Variants in NBN observed in about 807,000 individuals in gnomAD.
NBN encodes Nijmegen breakage syndrome 1 (nibrin).
Under a neutral mutation model 90.8 loss-of-function variants are expected in NBN, and 88 were observed. The ratio of observed to expected loss-of-function variants is 0.97; its 90% CI spans 0.82 to 1.16. The LOEUF (loss-of-function observed/expected upper bound fraction) is 1.16, where lower values mean the gene tolerates loss of function less well. NBN is among the 50% of genes most tolerant of loss of function. NBN has a pLI of 0.00. For synonymous variants in NBN, 328 were observed against 295.1 expected, an observed-to-expected ratio of 1.11 and a Z score of -1.14; for missense variants, 894 against 869.6, an observed-to-expected ratio of 1.03 and a Z score of -0.35.
rs730881851 is a variant in NBN, at chr8:89,953,685, C to T, written c.1404G>A (p.Arg468=). ...AAGACATTTCTTGATTTTCTTCATC[C>T]CTTTCCCTTAGATTTAAAAAAAAAG... The part of the protein sequence containing the change: ...YFQPSTKKRE[R]DEENQEMSSC... Residue 468 remains arginine (R), a synonymous_variant, in exon 11 of 16, where the codon AGG becomes AGA. Coordinates refer to ENST00000265433, the MANE Select transcript of NBN (RefSeq NM_002485.5). 6.2e-7 allele frequency: 1 copy of T among 1,608,646 alleles called. No homozygotes were observed. The highest frequency in any genetic ancestry group is 1.1e-5 in the South Asian group (1 of 90,614).
At chr8:89,945,843 T>C in intron 13 of NBN, among the ~76,000 whole-genome samples, 1 of 152,124 alleles carries the variant, frequency 6.6e-6, no homozygotes, top group East Asian at 1.9e-4. Context: ...AGACCAATAT[T>C]AGACTAACAG....
At chr8:89,963,843 A>G (rs531202602) in intron 8 of NBN, among the ~76,000 whole-genome samples, 1 of 152,346 alleles carries the variant, frequency 6.6e-6, no homozygotes, top group Non-Finnish European at 1.5e-5. Flanking sequence ...GGTCCAAGGC[A>G]TCAGGCTCTT....
chr8:89,940,044 C>G (rs1313185765), intron 14 of NBN, among the ~76,000 whole-genome samples: 2 of 152,108 alleles, frequency 1.3e-5, no homozygotes, highest in Admixed American at 1.3e-4. Flanking sequence ...GCCATACTGA[C>G]AGTGAGGCAT....
intron 15 of NBN, 81 bp downstream of exon 15, chr8:89,936,945 C>T (rs1318485887): frequency 1.7e-6 from 2 of 1,165,004 alleles, no homozygotes; most frequent in Non-Finnish European, 2.5e-6. Flanking sequence ...ACAGAAGAAA[C>T]AAATTCTTAA....
At chr8:89,983,481 C>A (rs1266712043) in intron 1 of NBN, among the ~76,000 whole-genome samples, 30 of 151,598 alleles carry the variant, frequency 2.0e-4, no homozygotes, top group Admixed American at 2.0e-3. Flanking sequence ...TAGGAGCTTG[C>A]CCTACCAGAT....
At chr8:89,956,122 GTATACTTTTA>G (rs1174885403) in intron 9 of NBN, among the ~76,000 whole-genome samples, 1 of 150,364 alleles carries the variant, frequency 6.7e-6, no homozygotes, top group Non-Finnish European at 1.5e-5. Context: ...CATGCACAGA[GTATACTTTTA>G]TATACTTTTT....
chr8:89,975,904 C>T (rs1811731130), intron 5 of NBN, among the ~76,000 whole-genome samples: 1 of 152,200 alleles, frequency 6.6e-6, no homozygotes, highest in Non-Finnish European at 1.5e-5. Flanking sequence ...TGTACTTCCT[C>T]AGGGAGGTTC....
At chr8:89,972,585 G>A (rs918464905) in intron 5 of NBN, among the ~76,000 whole-genome samples, 2 of 152,026 alleles carry the variant, frequency 1.3e-5, no homozygotes, top group African/African-American at 4.8e-5. Context: ...GTAGACATTC[G>A]GACACATAAA....
chr8:89,950,479 C>A (rs966439097), intron 11 of NBN, among the ~76,000 whole-genome samples: 1 of 151,758 alleles, frequency 6.6e-6, no homozygotes, highest in Non-Finnish European at 1.5e-5. Context: ...CTTTCAATCA[C>A]AGGTTGGTAA....
chr8:89,951,401 A>C (rs1810445385), intron 11 of NBN, among the ~76,000 whole-genome samples: 1 of 151,580 alleles, frequency 6.6e-6, no homozygotes. Context: ...AGGAGAAGAG[A>C]GCACAGCAAG....
intron 4 of NBN, among the ~76,000 whole-genome samples, chr8:89,979,060 C>T (rs1811919456): frequency 6.6e-6 from 1 of 152,220 alleles, no homozygotes; most frequent in African/African-American, 2.4e-5. Flanking sequence ...TCACTGCAGC[C>T]TCAACCTCCT....
intron 8 of NBN, among the ~76,000 whole-genome samples, chr8:89,963,674 ATTC>A (rs1358726921): frequency 1.3e-5 from 2 of 152,178 alleles, no homozygotes; most frequent in African/African-American, 4.8e-5. Flanking sequence ...TATAATGCAC[ATTC>A]TTCATCTCAG....
intron 7 of NBN, among the ~76,000 whole-genome samples, chr8:89,968,497 T>C (rs1361888372): frequency 6.6e-6 from 1 of 152,202 alleles, no homozygotes; most frequent in East Asian, 1.9e-4. Context: ...TTCCCTCATC[T>C]GCACAGTGAG....
chr8:89,948,129 G>A (rs1312381097), intron 11 of NBN, among the ~76,000 whole-genome samples: 1 of 152,070 alleles, frequency 6.6e-6, no homozygotes, highest in South Asian at 2.1e-4. Flanking sequence ...AATTGGAAGC[G>A]ATCTAAATCC....
intron 2 of NBN, 53 bp from the exon 3 acceptor site, chr8:89,981,576 C>G: frequency 6.3e-7 from 1 of 1,596,108 alleles, no homozygotes; most frequent in East Asian, 2.2e-5. Context: ...ACATTCACTT[C>G]TCAGAGAAAA....
At position 89,935,552 on chromosome 8, in the gene NBN, T is replaced by C. The variant is rs1008899375; in HGVS notation, c.*30A>G. On this transcript the variant is annotated 3_prime_UTR_variant, in exon 16 of 16. Transcript: ENST00000265433. ...CTGAAGTAGATGCTTACTAGGAAGT[T>C]TTTCCATGGCTTCTTTTTAAAATCC... 1 of 1,610,450 alleles carries C rather than the reference T, an allele frequency of 6.2e-7. No individual in the cohort carries two copies. Among genetic ancestry groups the C allele is most frequent in the African/African-American group, 1.3e-5 (1 of 74,822 alleles).
At chr8:89,970,247 C>G (rs1811440507) in intron 7 of NBN, 117 bp downstream of exon 7, 1 of 860,232 alleles carries the variant, frequency 1.2e-6, no homozygotes, top group Non-Finnish European at 1.8e-6. Flanking sequence ...AAGACTCCGT[C>G]TCAAAAAAAA....
chr8:89,950,530 GTA>G (rs1288443592), intron 11 of NBN, among the ~76,000 whole-genome samples: 1 of 151,992 alleles, frequency 6.6e-6, no homozygotes, highest in African/African-American at 2.4e-5. Flanking sequence ...AGGGCCAACT[GTA>G]TCTCAATGAG....
intron 11 of NBN, among the ~76,000 whole-genome samples, chr8:89,951,253 A>G (rs1810433666): frequency 6.9e-6 from 1 of 144,824 alleles, no homozygotes; most frequent in Non-Finnish European, 1.5e-5. Context: ...CGGAGCTTGC[A>G]GTGAGCGGAG....
Sources: allele counts gnomAD v4.1 joint callset (sites outside exome capture counted in the v4.1 genomes callset), GRCh38; gene constraint gnomAD v4.1.1; transcripts MANE v1.5; gene names NCBI Gene and HGNC (gene_info 2026-07-23, HGNC 2026-07-21).